The following ADGRB3 variants were observed in gnomAD, a reference collection of about 807,000 sequenced individuals.
ADGRB3 encodes brain-specific angiogenesis inhibitor 3.
A neutral mutation model predicts 193.4 loss-of-function variants in ADGRB3; 37 were observed. The ratio of observed to expected loss-of-function variants is 0.19; its 90% CI spans 0.15 to 0.25. The LOEUF (loss-of-function observed/expected upper bound fraction) is 0.25. ADGRB3 is among the 10% of genes least tolerant of loss of function. The pLI, the probability that ADGRB3 is intolerant of heterozygous loss-of-function variation, is 1.00. For synonymous variants in ADGRB3, 690 were observed against 644.2 expected (o/e 1.07, Z -1.08); for missense variants, 1,637 against 1,852.9 (o/e 0.88, Z 2.14).
intron 28 of ADGRB3, among the ~76,000 whole-genome samples, chr6:69,357,187 A>G (rs1381495277): frequency 6.6e-6 from 1 of 151,962 alleles, no homozygotes; most frequent in Non-Finnish European, 1.5e-5. Context: ...ATACATGTTC[A>G]CCCAGCATTT....
At chr6:69,049,480 A>T in intron 15 of ADGRB3, 134 bp downstream of exon 15, 2 of 615,426 alleles carry the variant, frequency 3.2e-6, no homozygotes, top group East Asian at 3.1e-5. Flanking sequence ...AGAAAATACA[A>T]ATTTAATGAA....
rs570230430 is a variant in ADGRB3 at position 68,788,741 on chromosome 6, G to A, written c.758-141818G>A. On this transcript the variant is annotated intron_variant, in intron 3 of 31. Transcript: ENST00000370598. Reference sequence around the variant, plus strand: ...TTTCTGTCTCTTTGATCTGTCTAACGTTGACAATGGGGTGTTAAAGTCTCC... The same window carrying A: ...TTTCTGTCTCTTTGATCTGTCTAACATTGACAATGGGGTGTTAAAGTCTCC... Among the ~76,000 whole-genome samples, 30 of 152,056 alleles carry A rather than the reference G, an allele frequency of 2.0e-4. 1 individual carries two copies. Among genetic ancestry groups the A allele is most frequent in the African/African-American group, 6.3e-4 (26 of 41,530 alleles).
chr6:69,013,890 C>T, intron 11 of ADGRB3, 148 bp from the exon 12 acceptor site: 1 of 450,630 alleles, frequency 2.2e-6, no homozygotes, highest in Non-Finnish European at 4.0e-6. Context: ...AAAGGATCCT[C>T]AGTGATCTTC....
At chr6:69,107,514 C>T (rs991624991) in intron 17 of ADGRB3, among the ~76,000 whole-genome samples, 3 of 152,020 alleles carry the variant, frequency 2.0e-5, no homozygotes, top group Admixed American at 1.3e-4. Context: ...AGAAATCAAC[C>T]AAGATTGTGT....
rs539187591 is a variant in ADGRB3 at position 68,993,694 on chromosome 6, G to C, written c.1735-74G>C. On this transcript the variant is annotated intron_variant, in intron 10 of 31. Coordinates refer to ENST00000370598, the MANE Select transcript of ADGRB3 (RefSeq NM_001704.3). ...AGTTAATTGAGCAATTTTAAATAAA[G>C]TTGTTTGATGAAGTTATTCAGATAA... 80 of 1,435,224 alleles carry C rather than the reference G, an allele frequency of 5.6e-5. 1 individual carries two copies. In the African/African-American group the frequency reaches 1.1e-3, roughly 19 times the overall value. The allele number at this position is 1,435,224 out of a possible 1,614,324, so 88.9% of individuals were successfully genotyped here. A position where few individuals can be genotyped will look rare whatever the true frequency, so the allele number is the denominator to read the frequency against.
intron 3 of ADGRB3, among the ~76,000 whole-genome samples, chr6:68,761,397 C>T (rs567931184): frequency 4.8e-5 from 7 of 145,190 alleles, no homozygotes; most frequent in South Asian, 2.1e-4. Flanking sequence ...CAGTCTCAGG[C>T]GTGACTAGTT....
chr6:69,321,959 G>A (rs1385760379), intron 20 of ADGRB3, among the ~76,000 whole-genome samples: 1 of 151,656 alleles, frequency 6.6e-6, no homozygotes, highest in East Asian at 1.9e-4. Context: ...TATCACTTAG[G>A]TATTAAGCCT....
At chr6:69,207,904 T>C (rs1765572995) in intron 17 of ADGRB3, among the ~76,000 whole-genome samples, 1 of 152,132 alleles carries the variant, frequency 6.6e-6, no homozygotes, top group Non-Finnish European at 1.5e-5. Context: ...GCATGGAGAA[T>C]AGGCAAACCC....
chr6:68,921,300 GAAAAT>G (rs1206383960), intron 3 of ADGRB3, among the ~76,000 whole-genome samples: 3 of 152,108 alleles, frequency 2.0e-5, no homozygotes, highest in Admixed American at 6.5e-5. Context: ...CTAAGGGGCT[GAAAAT>G]AAAATACAGA....
In ADGRB3 at chr6:69,091,820, C is replaced by G. The variant is rs117004119; in HGVS notation, c.2480+15782C>G. ...TAAAAAGTAAATAAATAAAAATTAA[C>G]CTTCCATATAGTCTATTAATTTTAA... On this transcript the variant is annotated intron_variant, in intron 17 of 31. Transcript: ENST00000370598. Among the ~76,000 whole-genome samples the G allele has an allele frequency of 1.1e-3, 172 of 152,188 alleles. 4 individuals are homozygous for G. The East Asian group carries it at 0.031, about 27-fold the overall frequency.
Position 68,913,425 on chromosome 6 carries a change from G to T in ADGRB3, c.758-17134G>T, listed in dbSNP as rs541031748. Among the ~76,000 whole-genome samples the T allele has an allele frequency of 2.0e-3, 303 of 151,684 alleles. 1 individual carries two copies. Among genetic ancestry groups the T allele is most frequent in the Non-Finnish European group, 3.7e-3 (250 of 68,020 alleles). On this transcript the variant is annotated intron_variant, in intron 3 of 31. Transcript: ENST00000370598. ...TCTGCAGCCACCGCTGCTGATACAG[G>T]CAGACAGGGTCTGGAGTGGACCTCT...
At chr6:68,872,878 A>G (rs1765499887) in intron 3 of ADGRB3, among the ~76,000 whole-genome samples, 1 of 152,130 alleles carries the variant, frequency 6.6e-6, no homozygotes, top group Non-Finnish European at 1.5e-5. Flanking sequence ...GAAAATATCT[A>G]GTTAAAATTT....
At position 68,854,014 on chromosome 6, in the gene ADGRB3, T is replaced by C. The variant is rs537894093; in HGVS notation, c.758-76545T>C. Among the ~76,000 whole-genome samples the C allele has an allele frequency of 3.9e-5, 6 of 152,318 alleles. No homozygotes were observed. The South Asian group carries it at 8.3e-4, about 21-fold the overall frequency. On this transcript the variant is annotated intron_variant, in intron 3 of 31. Coordinates refer to ENST00000370598, the MANE Select transcript of ADGRB3 (RefSeq NM_001704.3). Reference sequence around the variant, plus strand: ...TTCTTAATTCTGCACTGCCTGCTCATTTCTTGCTGTGATTGTTTTGTAGTG... The same window carrying C: ...TTCTTAATTCTGCACTGCCTGCTCACTTCTTGCTGTGATTGTTTTGTAGTG...
chr6:68,814,079 G>A (rs1056453506), intron 3 of ADGRB3, among the ~76,000 whole-genome samples: 1 of 152,084 alleles, frequency 6.6e-6, no homozygotes, highest in Non-Finnish European at 1.5e-5. Flanking sequence ...CCCAGTAATG[G>A]GATGGCTGGG....
At chr6:69,262,702 AC>A (rs926301709) in intron 20 of ADGRB3, among the ~76,000 whole-genome samples, 2 of 152,022 alleles carry the variant, frequency 1.3e-5, no homozygotes, top group African/African-American at 4.8e-5. Flanking sequence ...AGAGGAGACC[AC>A]ATTCACAGGA....
At chr6:68,636,676 T>C (rs1481545280) in intron 1 of ADGRB3, among the ~76,000 whole-genome samples, 1 of 152,180 alleles carries the variant, frequency 6.6e-6, no homozygotes, top group Non-Finnish European at 1.5e-5. Flanking sequence ...GAGTGCGCTC[T>C]CTTGAGCAGG....
At chr6:69,066,345 C>A (rs1271810583) in intron 16 of ADGRB3, among the ~76,000 whole-genome samples, 3 of 145,166 alleles carry the variant, frequency 2.1e-5, no homozygotes, top group Non-Finnish European at 4.5e-5. Flanking sequence ...AGAATAACTT[C>A]AAAATTACAT....
chr6:69,225,947 C>A (rs896697859), intron 17 of ADGRB3, among the ~76,000 whole-genome samples: 1 of 152,140 alleles, frequency 6.6e-6, no homozygotes. Context: ...ATTAATAAAT[C>A]ATGCTGTAAA....
intron 20 of ADGRB3, among the ~76,000 whole-genome samples, chr6:69,289,251 T>C (rs1381637572): frequency 6.6e-6 from 1 of 152,108 alleles, no homozygotes; most frequent in African/African-American, 2.4e-5. Flanking sequence ...ACACATCACA[T>C]CTCTAAGACA....
Sources: allele counts gnomAD v4.1 joint callset (sites outside exome capture counted in the v4.1 genomes callset), GRCh38; gene constraint gnomAD v4.1.1; transcripts MANE v1.5; gene names NCBI Gene and HGNC (gene_info 2026-07-23, HGNC 2026-07-21).